MS4A1: variants seen among roughly 807,000 people sequenced by gnomAD.
MS4A1 encodes B-lymphocyte antigen CD20.
Under a neutral mutation model 26.5 loss-of-function variants are expected in MS4A1, and 16 were observed. The observed-to-expected ratio is 0.60, with a 90% CI of 0.41 to 0.92. MS4A1 has a LOEUF of 0.92. Among genes scored for constraint, MS4A1 ranks in the 40% least tolerant of loss-of-function variants. The pLI, the probability that MS4A1 is intolerant of heterozygous loss-of-function variation, is 0.00. For missense variants in MS4A1, 350 were observed against 353.0 expected (o/e 0.99, Z 0.07); for synonymous variants, 128 against 117.6 (o/e 1.09, Z -0.57).
Position 60,468,737 on chromosome 11 carries a change from A to G in MS4A1, c.*269A>G, listed in dbSNP as rs1677761210. 2.1e-6 allele frequency: 1 copy of G among 482,484 alleles called. No individual in the cohort carries two copies. The highest frequency in any genetic ancestry group is 3.7e-6 in the Non-Finnish European group (1 of 269,802). 29.9% of individuals were successfully genotyped at this position (482,484 alleles called of 1,614,324 possible). ...TGAGTGCTTCAGAATGTGATTTCCT[A>G]CTAACCTGTTCCTTGGATAGGCTTT... is the stretch of plus-strand genomic sequence containing the variant. On this transcript the variant is annotated 3_prime_UTR_variant, in exon 8 of 8. Transcript: ENST00000345732.
chr11:60,467,243 G>C (rs1412829560), intron 7 of MS4A1, among the ~76,000 whole-genome samples, 183 bp downstream of exon 7: 1 of 149,886 alleles, frequency 6.7e-6, no homozygotes, highest in Non-Finnish European at 1.5e-5. Context: ...AAATAAGTCT[G>C]TAGTTAGAGC....
At position 60,468,471 on chromosome 11, in the gene MS4A1, G is replaced by T; in HGVS notation, c.*3G>T. The T allele has an allele frequency of 6.2e-7, 1 of 1,613,154 alleles. No individual in the cohort carries two copies. The highest frequency in any genetic ancestry group is 8.5e-7 in the Non-Finnish European group (1 of 1,179,204). ...TAGAAAATGACAGCTCTCCTTAAGTGATTTCTTCTGTTTTCTGTTTCCTTT... is the reference window on the plus strand; with the variant it reads ...TAGAAAATGACAGCTCTCCTTAAGTTATTTCTTCTGTTTTCTGTTTCCTTT... On this transcript the variant is annotated 3_prime_UTR_variant, in exon 8 of 8. Transcript: ENST00000345732.
In MS4A1 at chr11:60,462,485, G is replaced by C. The variant is rs200805059; in HGVS notation, c.111G>C (p.Leu37=). The C allele has an allele frequency of 1.1e-4, 176 of 1,614,190 alleles. 2 individuals are homozygous for C. In the East Asian group the frequency reaches 2.6e-3, roughly 24 times the overall value. The change falls in exon 3 of 8, where the codon CTG becomes CTC. Residue 37 remains leucine (L), a synonymous_variant. Transcript: ENST00000345732. The stretch of plus-strand genomic sequence containing the variant: ...CACTCTTCAGGAGGATGTCTTCACT[G>C]GTGGGCCCCACGCAAAGCTTCTTCA... ...PKPLFRRMSS[L]VGPTQSFFMR...
rs1446678838 is a variant in MS4A1, at chr11:60,470,023, A to G, written c.*1555A>G. On this transcript the variant is annotated 3_prime_UTR_variant, in exon 8 of 8. Coordinates refer to ENST00000345732, the MANE Select transcript of MS4A1 (RefSeq NM_152866.3). The stretch of plus-strand genomic sequence containing the variant: ...ATGTAAAGTTCTCAAAATTTGTTCT[A>G]AATTAATAAAACTATCTTTGTGTTC... 6.6e-6 allele frequency: 1 copy of G among 152,130 alleles called. No homozygotes were observed. The highest frequency in any genetic ancestry group is 2.4e-5 in the African/African-American group (1 of 41,452). 9.4% of individuals were successfully genotyped at this position (152,130 alleles called of 1,614,324 possible).
intron 1 of MS4A1, 117 bp downstream of exon 1, chr11:60,456,062 T>C (rs2086200811): frequency 6.6e-6 from 1 of 152,220 alleles, no homozygotes; most frequent in Admixed American, 6.5e-5. Context: ...TAGTCAGACT[T>C]CCTAATAGTT....
intron 1 of MS4A1, among the ~76,000 whole-genome samples, chr11:60,460,373 A>T (rs897762459): frequency 6.6e-6 from 1 of 152,230 alleles, no homozygotes; most frequent in South Asian, 2.1e-4. Flanking sequence ...CCTGTTCTAT[A>T]AGGCTCAGAT....
intron 3 of MS4A1, 62 bp downstream of exon 3, chr11:60,462,595 G>A (rs1190471205): frequency 1.3e-6 from 2 of 1,592,252 alleles, no homozygotes; most frequent in African/African-American, 1.3e-5. Flanking sequence ...AGCTGATGCG[G>A]TATAGGCCAC....
intron 5 of MS4A1, 151 bp downstream of exon 5, chr11:60,464,495 G>A (rs1045005719): frequency 1.4e-6 from 1 of 709,966 alleles, no homozygotes. Flanking sequence ...TTTTATTTAT[G>A]AAAAACTTAG....
rs200072026 is a variant in MS4A1, at chr11:60,455,926, T to C, written c.-299T>C. The C allele has an allele frequency of 6.6e-6, 1 of 152,282 alleles. No individual in the cohort carries two copies. Among genetic ancestry groups the C allele is most frequent in the Non-Finnish European group, 1.5e-5 (1 of 68,104 alleles). 9.4% of individuals were successfully genotyped at this position (152,282 alleles called of 1,614,324 possible). On this transcript the variant is annotated 5_prime_UTR_variant, in exon 1 of 8. Coordinates refer to ENST00000345732, the MANE Select transcript of MS4A1 (RefSeq NM_152866.3). ...TAGCATCCAAATCAGCCCTTGAGAT[T>C]TGAGGCCTTGGAGACTCAGGTAAGG...
intron 2 of MS4A1, among the ~76,000 whole-genome samples, chr11:60,461,545 A>T (rs1025960633): frequency 3.3e-5 from 5 of 151,514 alleles, no homozygotes; most frequent in Non-Finnish European, 5.9e-5. Flanking sequence ...TTTGAGACCG[A>T]GTCTCACTCT....
chr11:60,460,127 TC>T (rs895793699), intron 1 of MS4A1, among the ~76,000 whole-genome samples: 1 of 152,036 alleles, frequency 6.6e-6, no homozygotes, highest in African/African-American at 2.4e-5. Flanking sequence ...TTGCCCGTGG[TC>T]CCAGCTACTC....
intron 5 of MS4A1, 69 bp downstream of exon 5, chr11:60,464,413 G>A (rs2135199979): frequency 6.8e-7 from 1 of 1,460,474 alleles, no homozygotes; most frequent in South Asian, 1.1e-5. Flanking sequence ...TAAAAACTGA[G>A]ACCCTTAAAA....
chr11:60,467,876 T>C (rs759357570), intron 7 of MS4A1, among the ~76,000 whole-genome samples: 2 of 152,208 alleles, frequency 1.3e-5, no homozygotes, highest in African/African-American at 2.4e-5. Flanking sequence ...CGCTAATTAC[T>C]TCATTTTGCA....
rs768798828 is a variant in MS4A1 at position 60,469,611 on chromosome 11, C to T, written c.*1143C>T. 3 of 152,226 alleles carry T rather than the reference C, an allele frequency of 2.0e-5. No homozygotes were observed. The highest frequency in any genetic ancestry group is 4.2e-4 in the South Asian group (2 of 4,816). The allele number at this position is 152,226 out of a possible 1,614,324, so 9.4% of individuals were successfully genotyped here. ...ACCCATGGGGATAAAAAGACTCAGA[C>T]TTTCACCACATTTGGAAAACTACTT... On this transcript the variant is annotated 3_prime_UTR_variant, in exon 8 of 8. Coordinates refer to ENST00000345732, the MANE Select transcript of MS4A1 (RefSeq NM_152866.3).
In MS4A1 at chr11:60,468,985, G is replaced by A. The variant is rs959061773; in HGVS notation, c.*517G>A. On this transcript the variant is annotated 3_prime_UTR_variant, in exon 8 of 8. Coordinates refer to ENST00000345732, the MANE Select transcript of MS4A1 (RefSeq NM_152866.3). ...CCCATTCCATTTATCTTTCTACAGG[G>A]CTGACATTGTGGCACATTCTTAGAG... The A allele has an allele frequency of 5.0e-5, 8 of 158,836 alleles. No individual in the cohort carries two copies. The highest frequency in any genetic ancestry group is 1.9e-4 in the African/African-American group (8 of 41,414). 9.8% of individuals were successfully genotyped at this position (158,836 alleles called of 1,614,324 possible).
At chr11:60,463,933 A>G (rs2135199339) in intron 4 of MS4A1, 1 of 364,390 alleles carries the variant, frequency 2.7e-6, no homozygotes, top group Non-Finnish European at 5.4e-6. Flanking sequence ...GGGCAGTTCC[A>G]CAAGTTAAAA....
intron 7 of MS4A1, among the ~76,000 whole-genome samples, 175 bp downstream of exon 7, chr11:60,467,235 A>G (rs541412124): frequency 1.3e-5 from 2 of 152,014 alleles, no homozygotes; most frequent in East Asian, 3.9e-4. Flanking sequence ...GAAATTTGAA[A>G]TAAGTCTGTA....
chr11:60,465,967 T>C lies in MS4A1; in HGVS notation c.383T>C (p.Ile128Thr), dbSNP rs766503875. The change falls in exon 6 of 8, where the codon ATT (isoleucine) becomes ACT (threonine). Residue 128 changes from isoleucine to threonine, a missense_variant. Physicochemically the swap from Ile to Thr is moderately conservative, Grantham distance 89 (BLOSUM62 -1). Transcript: ENST00000345732. ...AATTCATTGAGCCTCTTTGCTGCCA[T>C]TTCTGGAATGATTCTTTCAATCATG... ...IMNSLSLFAA[I>T]SGMILSIMDI... 6.2e-7 allele frequency: 1 copy of C among 1,613,908 alleles called. No homozygotes were observed. Among genetic ancestry groups the C allele is most frequent in the Non-Finnish European group, 8.5e-7 (1 of 1,179,874 alleles).
chr11:60,457,543 A>G (rs1166534056), intron 1 of MS4A1, among the ~76,000 whole-genome samples: 1 of 152,198 alleles, frequency 6.6e-6, no homozygotes, highest in African/African-American at 2.4e-5. Context: ...CCCACATGCA[A>G]AATGTATTGC....
Sources: allele counts gnomAD v4.1 joint callset (sites outside exome capture counted in the v4.1 genomes callset), GRCh38; gene constraint gnomAD v4.1.1; transcripts MANE v1.5; gene names NCBI Gene and HGNC (gene_info 2026-07-23, HGNC 2026-07-21).